The following FNIP1 variants were observed in gnomAD, a reference collection of about 807,000 sequenced individuals.
The protein encoded by FNIP1 is folliculin interacting protein 1, also known as folliculin-interacting protein 1.
A neutral mutation model predicts 124.5 loss-of-function variants in FNIP1; 40 were observed. The ratio of observed to expected loss-of-function variants is 0.32; its 90% CI spans 0.25 to 0.42. The LOEUF (loss-of-function observed/expected upper bound fraction) is 0.42, where lower values mean the gene tolerates loss of function less well. Ranked by LOEUF, FNIP1 falls within the 10% of genes least tolerant of loss-of-function variation. FNIP1 has a pLI of 1.00. For synonymous variants in FNIP1, 472 were observed against 470.6 expected (o/e 1.00, Z -0.04); for missense variants, 1,176 against 1,403.7 (o/e 0.84, Z 2.59).
Position 131,644,455 on chromosome 5 carries a change from T to C in FNIP1, c.*230A>G. On this transcript the variant is annotated 3_prime_UTR_variant, in exon 18 of 18. Transcript: ENST00000510461. Reference sequence around the variant, plus strand: ...GCTTTTTCAAATGCTTCAAAATTATTGTTGCTTTAATTTCATTTGTTTAAA... The same window carrying C: ...GCTTTTTCAAATGCTTCAAAATTATCGTTGCTTTAATTTCATTTGTTTAAA... The C allele has an allele frequency of 2.8e-6, 1 of 360,726 alleles. No individual in the cohort carries two copies. The highest frequency in any genetic ancestry group is 5.1e-6 in the Non-Finnish European group (1 of 197,946). The allele number at this position is 360,726 out of a possible 1,614,324, so 22.3% of individuals were successfully genotyped here.
chr5:131,697,024 A>G (rs1580763832), intron 11 of FNIP1, among the ~76,000 whole-genome samples: 1 of 152,226 alleles, frequency 6.6e-6, no homozygotes, highest in East Asian at 1.9e-4. Flanking sequence ...TATATTTTAA[A>G]AGTTTTAAAA....
intron 1 of FNIP1, among the ~76,000 whole-genome samples, chr5:131,774,050 C>A (rs1023442862): frequency 7.2e-5 from 11 of 152,172 alleles, no homozygotes; most frequent in African/African-American, 2.7e-4. Context: ...CATTTTGAGA[C>A]AGAGTCTCAT....
At chr5:131,740,837 C>A (rs924416248) in intron 2 of FNIP1, among the ~76,000 whole-genome samples, 2 of 152,080 alleles carry the variant, frequency 1.3e-5, no homozygotes, top group Admixed American at 6.6e-5. Context: ...GATGAAAAAG[C>A]CTGCAGTAAA....
chr5:131,762,908 A>C (rs1771279491), intron 1 of FNIP1, among the ~76,000 whole-genome samples: 1 of 152,180 alleles, frequency 6.6e-6, no homozygotes, highest in African/African-American at 2.4e-5. Flanking sequence ...TGGTGAAATA[A>C]GCCAGGCACA....
intron 15 of FNIP1, among the ~76,000 whole-genome samples, chr5:131,669,917 CAAA>C (rs11440510): frequency 1.5e-5 from 2 of 132,568 alleles, no homozygotes; most frequent in African/African-American, 3.0e-5. Flanking sequence ...TACAATGAGT[CAAA>C]AAAAAAAAAA....
intron 11 of FNIP1, among the ~76,000 whole-genome samples, chr5:131,698,135 G>T (rs571607859): frequency 6.6e-6 from 1 of 151,940 alleles, no homozygotes; most frequent in South Asian, 2.1e-4. Flanking sequence ...GAAAACTAGG[G>T]GTCAAAAACG....
chr5:131,796,675 C>T (rs1772613858), intron 1 of FNIP1, 155 bp downstream of exon 1: 1 of 672,318 alleles, frequency 1.5e-6, no homozygotes, highest in East Asian at 2.9e-5. Flanking sequence ...AACCCTTCGG[C>T]GCTAGCCCGC....
chr5:131,670,055 G>A (rs1020517979), intron 15 of FNIP1, among the ~76,000 whole-genome samples: 1 of 152,028 alleles, frequency 6.6e-6, no homozygotes, highest in African/African-American at 2.4e-5. Flanking sequence ...AAAATGAATA[G>A]ACTAATAAGA....
intron 10 of FNIP1, among the ~76,000 whole-genome samples, chr5:131,702,332 A>G (rs1466935344): frequency 1.3e-5 from 2 of 151,884 alleles, no homozygotes; most frequent in Non-Finnish European, 2.9e-5. Context: ...GTGCTCCCCC[A>G]TGCCTGGCTA....
At chr5:131,683,601 T>C (rs1367513695) in intron 11 of FNIP1, among the ~76,000 whole-genome samples, 1 of 150,728 alleles carries the variant, frequency 6.6e-6, no homozygotes, top group Non-Finnish European at 1.5e-5. Flanking sequence ...TAATACCAAA[T>C]GCAGTGTAAA....
At chr5:131,666,275 T>G (rs541112673) in intron 15 of FNIP1, among the ~76,000 whole-genome samples, 4 of 152,302 alleles carry the variant, frequency 2.6e-5, no homozygotes, top group Non-Finnish European at 2.9e-5. Context: ...ATTGAAGGTA[T>G]TTTATTTTTC....
intron 7 of FNIP1, among the ~76,000 whole-genome samples, chr5:131,709,704 T>C (rs1302095452): frequency 6.6e-6 from 1 of 152,212 alleles, no homozygotes; most frequent in Non-Finnish European, 1.5e-5. Context: ...GAGATATTTA[T>C]TTGAATAGTA....
rs1463482773 is a variant in FNIP1, at chr5:131,788,702, A to C, written c.92+8128T>G. ...GGTGACAGACTCTGTCTCAAAAAAA[A>C]AAAAAAAAAAAAAAGAAGTGATATC... is the stretch of plus-strand genomic sequence containing the variant. On this transcript the variant is annotated intron_variant, in intron 1 of 17. Transcript: ENST00000510461. Among the ~76,000 whole-genome samples the C allele has an allele frequency of 2.0e-5, 3 of 151,082 alleles. No homozygotes were observed. The East Asian group carries it at 5.8e-4, about 29-fold the overall frequency.
chr5:131,648,825 G>A (rs897665878), intron 16 of FNIP1, among the ~76,000 whole-genome samples: 1 of 151,986 alleles, frequency 6.6e-6, no homozygotes, highest in African/African-American at 2.4e-5. Flanking sequence ...CTTCTTACCC[G>A]CAGCCCCTGG....
chr5:131,669,680 A>G (rs141604388), intron 15 of FNIP1, among the ~76,000 whole-genome samples: 1 of 152,134 alleles, frequency 6.6e-6, no homozygotes, highest in Non-Finnish European at 1.5e-5. Context: ...CCGTCTCAAA[A>G]CTAGGAATAA....
chr5:131,697,910 A>G (rs7704549), intron 11 of FNIP1, among the ~76,000 whole-genome samples: 11,864 of 147,402 alleles, frequency 0.08, 994 homozygotes, highest in African/African-American at 0.22. Flanking sequence ...CAGAGGTTGC[A>G]GTGAGGCAAG....
At chr5:131,660,957 C>G (rs1049599256) in intron 15 of FNIP1, among the ~76,000 whole-genome samples, 4 of 152,126 alleles carry the variant, frequency 2.6e-5, no homozygotes, top group African/African-American at 9.7e-5. Flanking sequence ...AAAGACATCT[C>G]TAAACTGGTC....
At chr5:131,788,604 G>A (rs1241874424) in intron 1 of FNIP1, among the ~76,000 whole-genome samples, 1 of 151,360 alleles carries the variant, frequency 6.6e-6, no homozygotes, top group Non-Finnish European at 1.5e-5. Context: ...GGGAGGCTGA[G>A]GCATAAGAAT....
In FNIP1 at chr5:131,786,955, T is replaced by C. The variant is rs577249007; in HGVS notation, c.92+9875A>G. Among the ~76,000 whole-genome samples, 37 of 152,310 alleles carry C rather than the reference T, an allele frequency of 2.4e-4. 1 individual carries two copies. The highest frequency in any genetic ancestry group is 6.8e-3 in the Middle Eastern group (2 of 294). Reference sequence around the variant, plus strand: ...GTGGGAAGAAATTCTAACATCTGAGTACCTACTATGCCATTTAATCCTCAA... The same window carrying C: ...GTGGGAAGAAATTCTAACATCTGAGCACCTACTATGCCATTTAATCCTCAA... On this transcript the variant is annotated intron_variant, in intron 1 of 17. Coordinates refer to ENST00000510461, the MANE Select transcript of FNIP1 (RefSeq NM_133372.3).
Sources: allele counts gnomAD v4.1 joint callset (sites outside exome capture counted in the v4.1 genomes callset), GRCh38; gene constraint gnomAD v4.1.1; transcripts MANE v1.5; gene names NCBI Gene and HGNC (gene_info 2026-07-23, HGNC 2026-07-21).